The following GRIK2 variants were observed in gnomAD, a reference collection of about 807,000 sequenced individuals.
GRIK2 encodes glutamate ionotropic receptor kainate type subunit 2, also known as glutamate receptor ionotropic, kainate 2.
A neutral mutation model predicts 100.3 loss-of-function variants in GRIK2; 32 were observed. The ratio of observed to expected loss-of-function variants is 0.32; its 90% CI spans 0.24 to 0.43. The LOEUF (loss-of-function observed/expected upper bound fraction) is 0.43. Among genes scored for constraint, GRIK2 ranks in the 20% least tolerant of loss-of-function variants. The pLI is 1.00. For missense variants in GRIK2, 843 were observed against 1,114.9 expected, an observed-to-expected ratio of 0.76 and a Z score of 3.47; for synonymous variants, 417 against 389.4, an observed-to-expected ratio of 1.07 and a Z score of -0.83.
At position 102,062,241 on chromosome 6, in the gene GRIK2, A is replaced by T. The variant is rs542462180; in HGVS notation, c.2563-6106A>T. 3.3e-5 allele frequency among the ~76,000 whole-genome samples: 5 copies of T among 150,542 alleles called. No individual in the cohort carries two copies. The South Asian group carries it at 1.0e-3, about 31-fold the overall frequency. The stretch of plus-strand genomic sequence containing the variant: ...CATAACATGATTTATAATTTAATTC[A>T]CTAAGAAAGATATGTATTTCTTTTG... On this transcript the variant is annotated intron_variant, in intron 16 of 16. Transcript: ENST00000369134.
intron 7 of GRIK2, among the ~76,000 whole-genome samples, chr6:101,779,018 TTATA>T (rs937317205): frequency 5.3e-5 from 8 of 152,184 alleles, no homozygotes; most frequent in East Asian, 1.9e-4. Flanking sequence ...GATATTTTAA[TTATA>T]TATATAAGAT....
intron 2 of GRIK2, among the ~76,000 whole-genome samples, chr6:101,552,708 C>T (rs1267606728): frequency 6.6e-6 from 1 of 152,138 alleles, no homozygotes. Context: ...ATGTGTCTAA[C>T]CTGCTATCTG....
At chr6:101,684,351 AG>A (rs1489392778) in intron 6 of GRIK2, among the ~76,000 whole-genome samples, 5 of 152,216 alleles carry the variant, frequency 3.3e-5, no homozygotes, top group Admixed American at 6.5e-5. Context: ...CTACATTTGA[AG>A]GCCTTTTATA....
intron 2 of GRIK2, among the ~76,000 whole-genome samples, chr6:101,454,584 A>C (rs1199860826): frequency 6.6e-6 from 1 of 152,186 alleles, no homozygotes; most frequent in Non-Finnish European, 1.5e-5. Context: ...CAATAGGTCC[A>C]GCCATGAGAC....
chr6:101,955,609 TCTCTCTC>T (rs1220350581), intron 14 of GRIK2, among the ~76,000 whole-genome samples: 1 of 122,420 alleles, frequency 8.2e-6, no homozygotes, highest in African/African-American at 2.9e-5. Context: ...TCTCTCTCTC[TCTCTCTC>T]CCCCCCATTT....
At chr6:101,937,086 T>G (rs186895639) in intron 14 of GRIK2, among the ~76,000 whole-genome samples, 1 of 152,282 alleles carries the variant, frequency 6.6e-6, no homozygotes, top group East Asian at 1.9e-4. Flanking sequence ...TTCTAATTGC[T>G]ACATTTGCAA....
At chr6:101,589,395 C>A (rs547765548) in intron 2 of GRIK2, among the ~76,000 whole-genome samples, 1 of 152,060 alleles carries the variant, frequency 6.6e-6, no homozygotes, top group African/African-American at 2.4e-5. Flanking sequence ...ATCTCTTGAA[C>A]TTTTTCCACC....
At chr6:102,051,517 T>TA (rs1242770031) in intron 15 of GRIK2, among the ~76,000 whole-genome samples, 2 of 152,150 alleles carry the variant, frequency 1.3e-5, no homozygotes, top group Non-Finnish European at 2.9e-5. Flanking sequence ...AATTTGGCTT[T>TA]AAAAGTGTTG....
At chr6:101,754,560 G>A (rs1777005370) in intron 7 of GRIK2, among the ~76,000 whole-genome samples, 4 of 152,146 alleles carry the variant, frequency 2.6e-5, no homozygotes. Context: ...AACCAAAAGA[G>A]CTATAATCCT....
chr6:102,045,443 G>T (rs1289286419), intron 15 of GRIK2, among the ~76,000 whole-genome samples: 1 of 152,050 alleles, frequency 6.6e-6, no homozygotes, highest in Non-Finnish European at 1.5e-5. Flanking sequence ...GATAGTGAGA[G>T]CATCTCAAAT....
chr6:101,909,693 A>AAT (rs1562481253), intron 12 of GRIK2, among the ~76,000 whole-genome samples: 3 of 150,010 alleles, frequency 2.0e-5, no homozygotes, highest in South Asian at 4.2e-4. Flanking sequence ...TTTTTGAAAA[A>AAT]AATAATGTGT....
At chr6:101,488,880 A>G (rs1174502172) in intron 2 of GRIK2, among the ~76,000 whole-genome samples, 1 of 146,314 alleles carries the variant, frequency 6.8e-6, no homozygotes, top group East Asian at 1.9e-4. Flanking sequence ...AAATAAAACT[A>G]TTGGAGTTTT....
At chr6:101,794,690 T>G (rs1312085087) in intron 7 of GRIK2, among the ~76,000 whole-genome samples, 1 of 152,092 alleles carries the variant, frequency 6.6e-6, no homozygotes, top group South Asian at 2.1e-4. Flanking sequence ...TTCTTTGCTA[T>G]AATTATTTTG....
intron 12 of GRIK2, chr6:101,891,582 A>G (rs528077731): frequency 7.2e-5 from 29 of 401,400 alleles, no homozygotes; most frequent in South Asian, 4.2e-4. Flanking sequence ...AATTTTTTAC[A>G]TATTTATATG....
At chr6:101,830,148 A>G (rs1478507804) in intron 10 of GRIK2, among the ~76,000 whole-genome samples, 16 of 152,076 alleles carry the variant, frequency 1.1e-4, no homozygotes, top group Admixed American at 9.8e-4. Flanking sequence ...CTGATCTTTG[A>G]CAAAATCGAC....
intron 14 of GRIK2, among the ~76,000 whole-genome samples, chr6:101,945,924 T>G (rs1176305109): frequency 6.7e-6 from 1 of 149,964 alleles, no homozygotes; most frequent in African/African-American, 2.5e-5. Flanking sequence ...TTTTTTTTTT[T>G]TCATTTTTAT....
At chr6:101,975,434 GA>G (rs1361638675) in intron 14 of GRIK2, among the ~76,000 whole-genome samples, 1 of 151,930 alleles carries the variant, frequency 6.6e-6, no homozygotes, top group Non-Finnish European at 1.5e-5. Flanking sequence ...AGGTAATGTG[GA>G]GTGTGATATC....
At chr6:101,555,330 C>T (rs1015139904) in intron 2 of GRIK2, among the ~76,000 whole-genome samples, 4 of 152,110 alleles carry the variant, frequency 2.6e-5, no homozygotes, top group East Asian at 1.9e-4. Context: ...ATTATAGGGT[C>T]GTTGGGAAGG....
At chr6:101,666,737 G>A (rs1770061769) in intron 4 of GRIK2, among the ~76,000 whole-genome samples, 3 of 152,228 alleles carry the variant, frequency 2.0e-5, no homozygotes, top group Non-Finnish European at 2.9e-5. Context: ...TACAGACAGT[G>A]TATTAGAGTC....
Sources: allele counts gnomAD v4.1 joint callset (sites outside exome capture counted in the v4.1 genomes callset), GRCh38; gene constraint gnomAD v4.1.1; transcripts MANE v1.5; gene names NCBI Gene and HGNC (gene_info 2026-07-23, HGNC 2026-07-21).